Variants in SPTLC3 observed in about 807,000 individuals in gnomAD.
The protein encoded by SPTLC3 is serine palmitoyltransferase 3.
Under a neutral mutation model 59.3 loss-of-function variants are expected in SPTLC3, and 36 were observed. That is an observed-to-expected ratio of 0.61 (90% CI 0.47 to 0.80). The LOEUF (loss-of-function observed/expected upper bound fraction) is 0.80. Among genes scored for constraint, SPTLC3 ranks in the 30% least tolerant of loss-of-function variants. The pLI is 0.00. For missense variants in SPTLC3, 625 were observed against 685.1 expected, an observed-to-expected ratio of 0.91 and a Z score of 0.98; for synonymous variants, 257 against 240.8, an observed-to-expected ratio of 1.07 and a Z score of -0.62.
rs559199192 is a variant in SPTLC3 at position 13,124,047 on chromosome 20, C to T, written c.1153-2544C>T. ...CTCAGATACTCCAAAGTGAACTTTC[C>T]GGATACCCTGTGGCTGATGAATTCA... On this transcript the variant is annotated intron_variant, in intron 8 of 11. Coordinates refer to ENST00000399002, the MANE Select transcript of SPTLC3 (RefSeq NM_018327.4). 2.2e-3 allele frequency among the ~76,000 whole-genome samples: 334 copies of T among 152,324 alleles called. 1 individual carries two copies. Among genetic ancestry groups the T allele is most frequent in the African/African-American group, 7.6e-3 (318 of 41,578 alleles).
chr20:13,028,798 T>A (rs1472283815), intron 1 of SPTLC3, among the ~76,000 whole-genome samples: 1 of 152,202 alleles, frequency 6.6e-6, no homozygotes, highest in South Asian at 2.1e-4. Context: ...GAATTATTTA[T>A]GCTTTGTTCT....
At chr20:13,055,192 T>C (rs564439512) in intron 2 of SPTLC3, among the ~76,000 whole-genome samples, 3 of 152,070 alleles carry the variant, frequency 2.0e-5, no homozygotes, top group Middle Eastern at 3.4e-3. Flanking sequence ...ATGAAATGGT[T>C]CTGTTGGCAA....
At chr20:13,131,016 AG>A (rs1390375627) in intron 9 of SPTLC3, among the ~76,000 whole-genome samples, 1 of 152,202 alleles carries the variant, frequency 6.6e-6, no homozygotes, top group Non-Finnish European at 1.5e-5. Context: ...GGGATCACTC[AG>A]TGATTGAAGT....
intron 1 of SPTLC3, among the ~76,000 whole-genome samples, chr20:13,036,803 T>C (rs988540212): frequency 2.0e-5 from 3 of 152,082 alleles, no homozygotes; most frequent in Non-Finnish European, 4.4e-5. Flanking sequence ...CCCCCTCCAC[T>C]GAGACCCATC....
intron 2 of SPTLC3, among the ~76,000 whole-genome samples, chr20:13,065,441 A>G (rs1988166421): frequency 6.6e-6 from 1 of 151,468 alleles, no homozygotes; most frequent in South Asian, 2.1e-4. Flanking sequence ...TCTTTCTTTT[A>G]TCTTCAGCAT....
chr20:13,126,867 C>A, intron 9 of SPTLC3, 150 bp downstream of exon 9: 1 of 1,131,196 alleles, frequency 8.8e-7, no homozygotes, highest in Non-Finnish European at 1.2e-6. Flanking sequence ...CTGCCGTTAG[C>A]ACACCATACA....
At chr20:13,105,268 A>G (rs1027750924) in intron 6 of SPTLC3, among the ~76,000 whole-genome samples, 3 of 76,998 alleles carry the variant, frequency 3.9e-5, no homozygotes, top group Admixed American at 1.4e-4. Context: ...CTGCAGGAGG[A>G]AAAAAAAAAT....
intron 1 of SPTLC3, among the ~76,000 whole-genome samples, chr20:13,016,224 G>C (rs1351022057): frequency 6.6e-6 from 1 of 152,080 alleles, no homozygotes; most frequent in African/African-American, 2.4e-5. Context: ...GAATATGCTA[G>C]AATCAGTTTC....
chr20:13,068,259 C>G (rs1234353668), intron 2 of SPTLC3, among the ~76,000 whole-genome samples: 1 of 152,134 alleles, frequency 6.6e-6, no homozygotes, highest in Non-Finnish European at 1.5e-5. Context: ...CTCCATTCTC[C>G]AAAATGATTG....
chr20:13,053,088 C>T (rs1195367225), intron 2 of SPTLC3, among the ~76,000 whole-genome samples: 3 of 152,200 alleles, frequency 2.0e-5, no homozygotes, highest in Non-Finnish European at 2.9e-5. Flanking sequence ...ACCCCCAGGC[C>T]TCCTGACTGG....
At chr20:13,047,557 G>A (rs1347303381) in intron 1 of SPTLC3, among the ~76,000 whole-genome samples, 1 of 151,992 alleles carries the variant, frequency 6.6e-6, no homozygotes, top group African/African-American at 2.4e-5. Flanking sequence ...TTTATTGAAT[G>A]AAATAATAAA....
chr20:13,019,787 C>A (rs144715012), intron 1 of SPTLC3, among the ~76,000 whole-genome samples: 87 of 152,276 alleles, frequency 5.7e-4, no homozygotes, highest in African/African-American at 1.9e-3. Context: ...TCTAACTGGA[C>A]CTTCAAAAGT....
chr20:13,077,357 T>C (rs1023922907), intron 4 of SPTLC3, among the ~76,000 whole-genome samples: 9 of 151,764 alleles, frequency 5.9e-5, no homozygotes, highest in Admixed American at 2.0e-4. Flanking sequence ...ATTAACAATG[T>C]AATCATTAAT....
intron 6 of SPTLC3, among the ~76,000 whole-genome samples, chr20:13,100,972 AGGTGAGCAGGGCACAGGAAGCACCAG>A (rs781761613): frequency 0.3 from 45,687 of 150,148 alleles, 7,756 homozygotes; most frequent in Middle Eastern, 0.4. Context: ...AAGCACCAGT[AGGTGAGCAGGGCACAGGAAGCACCAG>A]TAGGTGACCA....
chr20:13,020,919 G>C (rs187231), intron 1 of SPTLC3, among the ~76,000 whole-genome samples: 127,240 of 152,008 alleles, frequency 0.84, 53,519 homozygotes, highest in South Asian at 0.95. Flanking sequence ...ACAGTAGATA[G>C]TCAATAAATG....
intron 10 of SPTLC3, among the ~76,000 whole-genome samples, chr20:13,158,026 G>A (rs1287577164): frequency 6.6e-6 from 1 of 152,170 alleles, no homozygotes; most frequent in Non-Finnish European, 1.5e-5. Context: ...CTATAGAGCT[G>A]TGCAATGTGG....
intron 6 of SPTLC3, among the ~76,000 whole-genome samples, chr20:13,096,798 T>A (rs1273054671): frequency 6.6e-6 from 1 of 152,118 alleles, no homozygotes; most frequent in Non-Finnish European, 1.5e-5. Context: ...ATTATAATCA[T>A]ACAACATATA....
chr20:13,083,363 T>C, intron 4 of SPTLC3, among the ~76,000 whole-genome samples: 1 of 152,198 alleles, frequency 6.6e-6, no homozygotes, highest in Non-Finnish European at 1.5e-5. Flanking sequence ...TAAACTCTCC[T>C]AATGAAGAGC....
At chr20:13,102,968 C>G (rs1266587534) in intron 6 of SPTLC3, among the ~76,000 whole-genome samples, 1 of 152,148 alleles carries the variant, frequency 6.6e-6, no homozygotes, top group East Asian at 1.9e-4. Flanking sequence ...ATCCATAAGC[C>G]CAACCCAGGT....
Sources: allele counts gnomAD v4.1 joint callset (sites outside exome capture counted in the v4.1 genomes callset), GRCh38; gene constraint gnomAD v4.1.1; transcripts MANE v1.5; gene names NCBI Gene and HGNC (gene_info 2026-07-23, HGNC 2026-07-21).